The following GARNL3 variants were observed in gnomAD, a reference collection of about 807,000 sequenced individuals.
GARNL3 encodes the protein GTPase-activating Rap/Ran-GAP domain-like protein 3.
A neutral mutation model predicts 125.0 loss-of-function variants in GARNL3; 63 were observed. The ratio of observed to expected loss-of-function variants is 0.50; its 90% confidence interval spans 0.41 to 0.62. The LOEUF is 0.62. GARNL3 is among the 20% of genes least tolerant of loss of function. The pLI is 0.00. For missense variants in GARNL3, 994 were observed against 1,244.0 expected (o/e 0.80, Z 3.02); for synonymous variants, 439 against 457.5 (o/e 0.96, Z 0.52).
chr9:127,308,837 A>G (rs1312252512), intron 2 of GARNL3, among the ~76,000 whole-genome samples: 2 of 152,184 alleles, frequency 1.3e-5, no homozygotes, highest in Non-Finnish European at 2.9e-5. Flanking sequence ...ATTATTTTAC[A>G]TCTGAGTCTT....
chr9:127,374,294 T>A (rs1831769569), intron 22 of GARNL3, among the ~76,000 whole-genome samples: 1 of 150,586 alleles, frequency 6.6e-6, no homozygotes, highest in African/African-American at 2.4e-5. Flanking sequence ...AGAGCAAAAC[T>A]CTGTCTCAAA....
At chr9:127,344,479 C>T (rs892021923) in intron 15 of GARNL3, 140 bp downstream of exon 15, 12 of 657,096 alleles carry the variant, frequency 1.8e-5, no homozygotes, top group Non-Finnish European at 3.3e-5. Flanking sequence ...GTGGCAACCA[C>T]GAGTGAGATT....
At chr9:127,331,518 A>G (rs563702590) in intron 7 of GARNL3, among the ~76,000 whole-genome samples, 1 of 151,318 alleles carries the variant, frequency 6.6e-6, no homozygotes, top group South Asian at 2.1e-4. Context: ...AAAAAAAACC[A>G]CTACCCAATT....
chr9:127,276,610 C>T (rs976613447), intron 1 of GARNL3, among the ~76,000 whole-genome samples: 1 of 152,202 alleles, frequency 6.6e-6, no homozygotes, highest in Non-Finnish European at 1.5e-5. Context: ...CTGGGATGAC[C>T]CATAGGCAAC....
intron 21 of GARNL3, among the ~76,000 whole-genome samples, chr9:127,358,428 G>T (rs1236368967): frequency 2.0e-5 from 3 of 152,226 alleles, no homozygotes; most frequent in Non-Finnish European, 2.9e-5. Context: ...AGGGCTTCCA[G>T]ACCCACAGGC....
At chr9:127,296,311 C>T (rs1476156914) in intron 2 of GARNL3, among the ~76,000 whole-genome samples, 1 of 152,038 alleles carries the variant, frequency 6.6e-6, no homozygotes, top group African/African-American at 2.4e-5. Flanking sequence ...GGAAGAGATG[C>T]ATAGGGCAAG....
intron 16 of GARNL3, among the ~76,000 whole-genome samples, chr9:127,348,517 T>A (rs548852801): frequency 2.6e-5 from 4 of 152,346 alleles, no homozygotes; most frequent in South Asian, 4.1e-4. Context: ...AACACAGGAA[T>A]CTGACTTTTT....
At chr9:127,345,574 G>A (rs1231545547) in intron 16 of GARNL3, 97 bp downstream of exon 16, 2 of 793,788 alleles carry the variant, frequency 2.5e-6, no homozygotes, top group Admixed American at 2.6e-5. Context: ...GCAGAAGGAA[G>A]AAGAGCATGT....
intron 2 of GARNL3, among the ~76,000 whole-genome samples, chr9:127,303,213 C>G (rs1452999035): frequency 6.6e-6 from 1 of 152,032 alleles, no homozygotes; most frequent in Non-Finnish European, 1.5e-5. Flanking sequence ...AAAAATTTTT[C>G]AGTGTAATAT....
At chr9:127,373,221 A>G (rs1170862553) in intron 22 of GARNL3, among the ~76,000 whole-genome samples, 9 of 152,330 alleles carry the variant, frequency 5.9e-5, no homozygotes, top group African/African-American at 1.7e-4. Flanking sequence ...TGAACCAGGG[A>G]CCTTCCTAGA....
At chr9:127,305,580 T>A (rs1055052216) in intron 2 of GARNL3, among the ~76,000 whole-genome samples, 6 of 151,872 alleles carry the variant, frequency 4.0e-5, no homozygotes, top group African/African-American at 1.5e-4. Flanking sequence ...ATTTTTAATT[T>A]TTTTTCTTAA....
At position 127,266,929 on chromosome 9, in the gene GARNL3, G is replaced by C. The variant is rs1048729615; in HGVS notation, c.144+1908G>C. Among the ~76,000 whole-genome samples the C allele has an allele frequency of 2.6e-5, 4 of 152,182 alleles. No homozygotes were observed. The highest frequency in any genetic ancestry group is 9.7e-5 in the African/African-American group (4 of 41,440). ...GAATGGAAAAGTACTTGAGAGCAGT[G>C]GTTCTCAAACTTGAGCAGACATCAG... On this transcript the variant is annotated intron_variant, in intron 1 of 27. Coordinates refer to ENST00000373387, the MANE Select transcript of GARNL3 (RefSeq NM_032293.5). The surrounding 1 kb of genome is among the most constrained non-coding windows in gnomAD (Gnocchi z 4.0).
chr9:127,337,607 G>A (rs1312985780), intron 11 of GARNL3, among the ~76,000 whole-genome samples: 2 of 152,206 alleles, frequency 1.3e-5, no homozygotes, highest in Non-Finnish European at 2.9e-5. Flanking sequence ...CCCAGCACAA[G>A]CTAAGTAGAT....
At chr9:127,265,078 G>A in intron 1 of GARNL3, 57 bp downstream of exon 1, 1 of 1,459,600 alleles carries the variant, frequency 6.9e-7, no homozygotes, top group Non-Finnish European at 9.4e-7. Context: ...AGAGACGATT[G>A]CCAAGCTCAT....
intron 17 of GARNL3, 37 bp downstream of exon 17, chr9:127,349,072 T>G (rs781136765): frequency 7.1e-7 from 1 of 1,416,330 alleles, no homozygotes; most frequent in Non-Finnish European, 1.0e-6. Flanking sequence ...GTCTTTTTCA[T>G]GTAACTTGTA....
chr9:127,322,943 C>A (rs1261582670), intron 6 of GARNL3, among the ~76,000 whole-genome samples: 1 of 152,170 alleles, frequency 6.6e-6, no homozygotes, highest in African/African-American at 2.4e-5. Context: ...CCCACTCCTA[C>A]CCATCAAGTT....
At position 127,332,308 on chromosome 9, in the gene GARNL3, C is replaced by T; in HGVS notation, c.629C>T (p.Ala210Val). Residue 210 changes from alanine (A) to valine (V), a missense_variant, in exon 8 of 28, where the codon GCC (alanine) becomes GTC (valine). Ala to Val is a moderately conservative substitution (Grantham distance 64). Around this residue, in one of 5 missense-constraint regions of GARNL3, gnomAD observed 139 missense variants for 231.6 expected, o/e 0.60. Coordinates refer to ENST00000373387, the MANE Select transcript of GARNL3 (RefSeq NM_032293.5). Reference sequence around the variant, plus strand: ...AATTTCAAGTTTGGGGTTCTTTTTGCCAAAGATGGGCAGCTCACTGATGAT... The same window carrying T: ...AATTTCAAGTTTGGGGTTCTTTTTGTCAAAGATGGGCAGCTCACTGATGAT... ...SVNFKFGVLF[A>V]KDGQLTDDEM... 6.2e-7 allele frequency: 1 copy of T among 1,613,850 alleles called. No individual in the cohort carries two copies. The highest frequency in any genetic ancestry group is 1.1e-5 in the South Asian group (1 of 91,060).
chr9:127,382,612 C>CA (rs1450082250), intron 22 of GARNL3, among the ~76,000 whole-genome samples: 2 of 151,938 alleles, frequency 1.3e-5, no homozygotes, highest in African/African-American at 4.8e-5. Flanking sequence ...ACTCTGTCTC[C>CA]AAAAAAAAAT....
At chr9:127,339,867 T>C in intron 13 of GARNL3, 116 bp downstream of exon 13, 1 of 751,198 alleles carries the variant, frequency 1.3e-6, no homozygotes, top group Non-Finnish European at 2.4e-6. Context: ...CCATGTTCCG[T>C]TAATTCTTTG....
Sources: gnomAD v4.1 joint callset for allele counts (sites outside exome capture counted in the v4.1 genomes callset) on GRCh38, gnomAD v4.1.1 for gene constraint, gnomAD v4.1.1 regional missense constraint, Gnocchi (gnomAD v3.1) non-coding constraint, MANE v1.5 for transcripts, NCBI Gene and HGNC (gene_info 2026-07-23, HGNC 2026-07-21) for gene names.